QRICH1: variants seen among roughly 807,000 people sequenced by gnomAD.
The protein encoded by QRICH1 is transcriptional regulator QRICH1.
A neutral mutation model predicts 87.1 loss-of-function variants in QRICH1; 16 were observed. The ratio of observed to expected loss-of-function variants is 0.18; its 90% CI spans 0.12 to 0.28. The LOEUF is 0.28. Among genes scored for constraint, QRICH1 ranks in the 10% least tolerant of loss-of-function variants. QRICH1 has a pLI of 1.00. For missense variants in QRICH1, 647 were observed against 951.7 expected, an observed-to-expected ratio of 0.68 and a Z score of 4.21; for synonymous variants, 367 against 368.4, an observed-to-expected ratio of 1.00 and a Z score of 0.05.
intron 2 of QRICH1, 143 bp from the exon 3 acceptor site, chr3:49,058,033 A>G (rs756091467): frequency 7.8e-6 from 11 of 1,408,534 alleles, no homozygotes; most frequent in Middle Eastern, 1.8e-4. Context: ...TGAGAAGGAC[A>G]CAATACGTAA....
At chr3:49,063,098 A>T (rs2093445011) in intron 2 of QRICH1, among the ~76,000 whole-genome samples, 1 of 152,132 alleles carries the variant, frequency 6.6e-6, no homozygotes, top group African/African-American at 2.4e-5. Flanking sequence ...TAACCTCTAA[A>T]CAGTTTCTTT....
At chr3:49,044,828 G>T (rs1020631344) in intron 5 of QRICH1, among the ~76,000 whole-genome samples, 15 of 152,076 alleles carry the variant, frequency 9.9e-5, no homozygotes, top group African/African-American at 2.7e-4. Context: ...AACAACATGT[G>T]CAAGTCTTTT....
At chr3:49,037,271 C>T (rs1035526001) in intron 6 of QRICH1, among the ~76,000 whole-genome samples, 1 of 152,104 alleles carries the variant, frequency 6.6e-6, no homozygotes, top group Non-Finnish European at 1.5e-5. Context: ...CGGAATCAAT[C>T]TGTATATTCA....
chr3:49,090,458 CAAAAAA>C (rs11425427), intron 1 of QRICH1, among the ~76,000 whole-genome samples: 1 of 96,104 alleles, frequency 1.0e-5, no homozygotes, highest in African/African-American at 4.3e-5. Flanking sequence ...GACTACGTCT[CAAAAAA>C]AAAAAAAAAA....
intron 6 of QRICH1, among the ~76,000 whole-genome samples, chr3:49,040,348 C>G (rs1283660700): frequency 6.6e-6 from 1 of 152,196 alleles, no homozygotes; most frequent in East Asian, 1.9e-4. Flanking sequence ...CAGCTCACAC[C>G]TGTAATCCCA....
chr3:49,049,050 C>T (rs923780218), intron 3 of QRICH1, among the ~76,000 whole-genome samples: 5 of 151,360 alleles, frequency 3.3e-5, no homozygotes, highest in African/African-American at 1.2e-4. Context: ...TACAGATATG[C>T]ACCACCATGC....
intron 2 of QRICH1, among the ~76,000 whole-genome samples, chr3:49,072,877 A>G (rs1241832401): frequency 1.3e-5 from 2 of 151,682 alleles, no homozygotes; most frequent in African/African-American, 4.8e-5. Flanking sequence ...GTCCATCTCT[A>G]CCAAAAATGA....
In QRICH1 at chr3:49,057,739, G is replaced by C. The variant is rs1278119246; in HGVS notation, c.461C>G (p.Pro154Arg). The change falls in exon 3 of 10, where the codon CCG becomes CGG. Residue 154 changes from proline (P) to arginine (R), a missense_variant. Transcript: ENST00000395443. This position sits in a 1 kb window ranked among gnomAD's most constrained non-coding sequence, Gnocchi z 5.4. ...PQSAAPSIQT[P>R]SLQSPSPSQL... The stretch of plus-strand genomic sequence containing the variant: ...CGAGGGACTGGGACTCTGCAGAGAC[G>C]GGGTCTGAATGGAGGGGGCTGCTGA... 6.2e-7 allele frequency: 1 copy of C among 1,614,052 alleles called. No homozygotes were observed. The highest frequency in any genetic ancestry group is 8.5e-7 in the Non-Finnish European group (1 of 1,180,042).
intron 2 of QRICH1, among the ~76,000 whole-genome samples, chr3:49,070,273 G>C (rs959112586): frequency 2.0e-5 from 3 of 151,522 alleles, no homozygotes; most frequent in African/African-American, 7.3e-5. Flanking sequence ...CCTGACCTCA[G>C]GTGATCCGCC....
chr3:49,076,513 T>G (rs2041954507), intron 2 of QRICH1, among the ~76,000 whole-genome samples, 196 bp downstream of exon 2: 1 of 93,048 alleles, frequency 1.1e-5, no homozygotes. Flanking sequence ...TCCTTGACAC[T>G]GGGGTTTGTT....
Position 49,046,431 on chromosome 3 carries a change from A to G in QRICH1, c.1665T>C (p.Ile555=). The G allele has an allele frequency of 6.2e-7, 1 of 1,612,364 alleles. No homozygotes were observed. Among genetic ancestry groups the G allele is most frequent in the Non-Finnish European group, 8.5e-7 (1 of 1,179,524 alleles). Reference sequence around the variant, plus strand: ...GTGAAGATCTGTTTCCTACCTTTTGAATACACAGGAAAATATAGTAGAGCA... The same window carrying G: ...GTGAAGATCTGTTTCCTACCTTTTGGATACACAGGAAAATATAGTAGAGCA... The part of the protein sequence containing the change: ...PDVLYYIFLC[I]QKYLFENGRV... Residue 555 remains isoleucine (I), a synonymous_variant, in exon 5 of 10, where the codon ATT becomes ATC. Coordinates refer to ENST00000395443, the MANE Select transcript of QRICH1 (RefSeq NM_198880.3).
chr3:49,074,545 C>T lies in QRICH1; in HGVS notation c.309+2164G>A, dbSNP rs1293538756. On this transcript the variant is annotated intron_variant, in intron 2 of 9. Coordinates refer to ENST00000395443, the MANE Select transcript of QRICH1 (RefSeq NM_198880.3). The stretch of plus-strand genomic sequence containing the variant: ...CAAGGTCACACCACTGCACTCCAGC[C>T]TGGGGGACAGAGCGAGACTCCATCT... 2.0e-5 allele frequency among the ~76,000 whole-genome samples: 3 copies of T among 151,576 alleles called. No homozygotes were observed. The East Asian group carries it at 5.8e-4, about 29-fold the overall frequency.
intron 1 of QRICH1, chr3:49,083,419 A>G (rs999342381): frequency 6.6e-6 from 1 of 151,866 alleles, no homozygotes; most frequent in Admixed American, 6.6e-5. Context: ...AGAGGGGTGA[A>G]CCACCCCAGG....
chr3:49,033,021 T>A, intron 7 of QRICH1, 99 bp downstream of exon 7: 1 of 1,071,450 alleles, frequency 9.3e-7, no homozygotes, highest in Non-Finnish European at 1.3e-6. Context: ...AGTAGCCCAG[T>A]TTCTCAAATA....
chr3:49,058,612 C>T (rs974163238), intron 2 of QRICH1, among the ~76,000 whole-genome samples: 2 of 151,998 alleles, frequency 1.3e-5, no homozygotes, highest in South Asian at 2.1e-4. Context: ...AGGTGTGAGC[C>T]GAAACGGCCG....
chr3:49,055,098 C>G lies in QRICH1; in HGVS notation c.1338+1764G>C, dbSNP rs141080816. ...CTCTAAGCTATATGAAGCAAAAAAC[C>G]TTCTCTTATTCTATTTCTAGGCCCA... On this transcript the variant is annotated intron_variant, in intron 3 of 9. Transcript: ENST00000395443. 2.3e-3 allele frequency among the ~76,000 whole-genome samples: 347 copies of G among 152,186 alleles called. 1 individual carries two copies. The highest frequency in any genetic ancestry group is 6.8e-3 in the Middle Eastern group (2 of 294).
At chr3:49,089,261 T>C (rs1482370296) in intron 1 of QRICH1, among the ~76,000 whole-genome samples, 3 of 152,064 alleles carry the variant, frequency 2.0e-5, no homozygotes, top group African/African-American at 7.2e-5. Context: ...GATTTCACCA[T>C]GTTGGCCAGG....
At chr3:49,035,042 T>G (rs893761282) in intron 6 of QRICH1, among the ~76,000 whole-genome samples, 5 of 152,304 alleles carry the variant, frequency 3.3e-5, no homozygotes, top group Non-Finnish European at 7.4e-5. Flanking sequence ...TGACTCTATT[T>G]TTTGTCTACT....
chr3:49,030,167 C>G lies in QRICH1; in HGVS notation c.*285G>C, dbSNP rs1366560480. On this transcript the variant is annotated 3_prime_UTR_variant, in exon 10 of 10. Transcript: ENST00000395443. ...CCACATTTCTTTTCACAGTCCAAGC[C>G]CTTTCCCCAGGCCCCAGACAAAAAA... The G allele has an allele frequency of 4.0e-6, 2 of 503,966 alleles. No individual in the cohort carries two copies. The highest frequency in any genetic ancestry group is 3.8e-5 in the Admixed American group (1 of 26,490). The allele number at this position is 503,966 out of a possible 1,614,324, so 31.2% of individuals were successfully genotyped here. A position where few individuals can be genotyped will look rare whatever the true frequency, so the allele number is the denominator to read the frequency against.
Sources: allele counts gnomAD v4.1 joint callset (sites outside exome capture counted in the v4.1 genomes callset), GRCh38; gene constraint gnomAD v4.1.1; non-coding constraint Gnocchi (gnomAD v3.1); transcripts MANE v1.5; gene names NCBI Gene and HGNC (gene_info 2026-07-23, HGNC 2026-07-21).